Variants in SYT3 observed in about 807,000 individuals in gnomAD.
The protein encoded by SYT3 is synaptotagmin-3.
In SYT3, 25 loss-of-function variants were observed where a neutral mutation model predicts 50.6. That is an observed-to-expected ratio of 0.49 (90% CI 0.36 to 0.69). The LOEUF (loss-of-function observed/expected upper bound fraction) is 0.69. SYT3 is among the 30% of genes least tolerant of loss of function. The probability of loss-of-function intolerance (pLI) is 0.00; values close to 1 mark genes in which losing one functional copy is unlikely to be tolerated. For synonymous variants in SYT3, 323 were observed against 353.9 expected, an observed-to-expected ratio of 0.91 and a Z score of 0.98; for missense variants, 589 against 793.6, an observed-to-expected ratio of 0.74 and a Z score of 3.10.
At chr19:50,654,128 A>G in the SYT3 span, among the ~76,000 whole-genome samples, 1 of 152,054 alleles carries the variant, frequency 6.6e-6, no homozygotes, top group African/African-American at 2.4e-5. Flanking sequence ...TCGGCAGGAG[A>G]GCACCAGGGC....
chr19:50,630,870 C>G (rs1038324847), intron 4 of SYT3, among the ~76,000 whole-genome samples: 1 of 152,280 alleles, frequency 6.6e-6, no homozygotes, highest in Non-Finnish European at 1.5e-5. Flanking sequence ...CTGCCCTTCT[C>G]TTAATCTCCC....
chr19:50,649,409 C>G, the SYT3 span: 1 of 1,535,484 alleles, frequency 6.5e-7, no homozygotes, highest in African/African-American at 1.4e-5. Context: ...CCTCTCTTGC[C>G]ACCTTCCTGA....
At chr19:50,653,674 G>T in the SYT3 span, among the ~76,000 whole-genome samples, 1 of 134,324 alleles carries the variant, frequency 7.4e-6, no homozygotes, top group Non-Finnish European at 1.6e-5. Context: ...TTATTGTAAT[G>T]AGAGACAGCA....
Position 50,625,545 on chromosome 19 carries a change from G to C in SYT3, c.1422C>G (p.Ser474=), listed in dbSNP as rs371487180. 3.1e-6 allele frequency: 5 copies of C among 1,598,452 alleles called. No homozygotes were observed. Among genetic ancestry groups the C allele is most frequent in the East Asian group, 2.2e-5 (1 of 44,796 alleles). ...TCAGACGCCGCCCCTCGCTGATCAG[G>C]GAGGCCTTCACGTAGGGGTCTGGGA... ...TGFSDPYVKA[S]LISEGRRLKK... Residue 474 remains serine, a synonymous_variant, in exon 8 of 11, where the codon TCC becomes TCG. Transcript: ENST00000600079. The surrounding 1 kb of genome is among the most constrained non-coding windows in gnomAD (Gnocchi z 7.5).
rs1984524796 is a variant in SYT3 at position 50,637,260 on chromosome 19, T to C, written c.148+4A>G. The stretch of plus-strand genomic sequence containing the variant: ...GGCTGGCCAAGACAGGCAGGGGTGC[T>C]GACCTGCATCTGGACCCCGGGGATA... On this transcript the variant is annotated splice_donor_region_variant and intron_variant, in intron 3 of 10. Transcript: ENST00000600079. The surrounding 1 kb of genome is among the most constrained non-coding windows in gnomAD (Gnocchi z 4.9). 1.2e-6 allele frequency: 2 copies of C among 1,612,374 alleles called. No individual in the cohort carries two copies. Among genetic ancestry groups the C allele is most frequent in the Non-Finnish European group, 1.7e-6 (2 of 1,179,440 alleles).
chr19:50,642,184 G>A (rs1424179048), upstream of SYT3, among the ~76,000 whole-genome samples: 1 of 152,218 alleles, frequency 6.6e-6, no homozygotes, highest in Non-Finnish European at 1.5e-5. Context: ...CACGAGTGCA[G>A]GTCCCCATGC....
chr19:50,647,389 G>T, the SYT3 span, among the ~76,000 whole-genome samples: 2 of 151,986 alleles, frequency 1.3e-5, no homozygotes, highest in African/African-American at 2.4e-5. Flanking sequence ...GGAGGATGGG[G>T]CGGCCAGGAG....
the SYT3 span, chr19:50,656,253 A>C: frequency 6.5e-7 from 1 of 1,536,128 alleles, no homozygotes; most frequent in African/African-American, 1.4e-5. Context: ...AGGTCATTGC[A>C]GAGTACGAGG....
At chr19:50,628,057 C>G (rs188949569) in intron 6 of SYT3, among the ~76,000 whole-genome samples, 1 of 152,040 alleles carries the variant, frequency 6.6e-6, no homozygotes, top group Admixed American at 6.5e-5. Flanking sequence ...TGGCACCCAG[C>G]TCAACTGGAC....
Position 50,632,933 on chromosome 19 carries a change from C to T in SYT3, c.149-122G>A. 1 of 719,952 alleles carries T rather than the reference C, an allele frequency of 1.4e-6. No homozygotes were observed. The highest frequency in any genetic ancestry group is 2.1e-6 in the Non-Finnish European group (1 of 478,226). The allele number at this position is 719,952 out of a possible 1,614,324, so 44.6% of individuals were successfully genotyped here. A position where few individuals can be genotyped will look rare whatever the true frequency, so the allele number is the denominator to read the frequency against. Reference sequence around the variant, plus strand: ...CAATTGTCCATGCAATTGCAAGTGCCAGGCACTTTACATGTATTACTTAAT... The same window carrying T: ...CAATTGTCCATGCAATTGCAAGTGCTAGGCACTTTACATGTATTACTTAAT... On this transcript the variant is annotated intron_variant, in intron 3 of 10. Coordinates refer to ENST00000600079, the MANE Select transcript of SYT3 (RefSeq NM_001160329.2). This position sits in a 1 kb window ranked among gnomAD's most constrained non-coding sequence, Gnocchi z 4.7.
intron 4 of SYT3, among the ~76,000 whole-genome samples, chr19:50,631,322 G>A (rs929990313): frequency 7.9e-5 from 12 of 151,638 alleles, no homozygotes; most frequent in African/African-American, 2.9e-4. Context: ...GGCTATTTTT[G>A]TTTGTTTGTT....
the SYT3 span, chr19:50,649,906 T>C: frequency 1.7e-4 from 77 of 452,678 alleles, no homozygotes; most frequent in East Asian, 4.5e-3. Context: ...ACCCAGTCAC[T>C]GGTGCCATCC....
rs10406790 is a variant in SYT3 at position 50,629,648 on chromosome 19, G to A, written c.1062+136C>T. The A allele has an allele frequency of 1.7e-3, 291 of 176,158 alleles. 1 individual carries two copies. The African/African-American group carries it at 0.056, about 34-fold the overall frequency. The allele number at this position is 176,158 out of a possible 1,614,324, so 10.9% of individuals were successfully genotyped here. ...CCCCAGCCCCTCCTCCCTCAGACCCGGGAGTCCAGGCCCCCAGCCCCTCCT... is the reference window on the plus strand; with the variant it reads ...CCCCAGCCCCTCCTCCCTCAGACCCAGGAGTCCAGGCCCCCAGCCCCTCCT... On this transcript the variant is annotated intron_variant, in intron 5 of 10. Transcript: ENST00000600079.
Position 50,637,572 on chromosome 19 carries a change from G to C in SYT3, c.-15-146C>G, listed in dbSNP as rs1476699592. 1 of 638,004 alleles carries C rather than the reference G, an allele frequency of 1.6e-6. No individual in the cohort carries two copies. Among genetic ancestry groups the C allele is most frequent in the Non-Finnish European group, 2.6e-6 (1 of 382,034 alleles). The allele number at this position is 638,004 out of a possible 1,614,324, so 39.5% of individuals were successfully genotyped here. Reference sequence around the variant, plus strand: ...ACAGAGATTAGGGGCAGATGGATTAGGGATGGAGATTCGAGGAAGAAGGAC... The same window carrying C: ...ACAGAGATTAGGGGCAGATGGATTACGGATGGAGATTCGAGGAAGAAGGAC... On this transcript the variant is annotated intron_variant, in intron 2 of 10. Coordinates refer to ENST00000600079, the MANE Select transcript of SYT3 (RefSeq NM_001160329.2). The surrounding 1 kb of genome is among the most constrained non-coding windows in gnomAD (Gnocchi z 4.9).
chr19:50,624,120 G>A (rs891556876), intron 9 of SYT3, among the ~76,000 whole-genome samples: 1 of 151,982 alleles, frequency 6.6e-6, no homozygotes, highest in African/African-American at 2.4e-5. Context: ...ACACTACCAT[G>A]CCTAGCTAAT....
Position 50,625,749 on chromosome 19 carries a change from GC to G in SYT3, c.1402+147del. 4.1e-6 allele frequency: 4 copies of G among 982,952 alleles called. No individual in the cohort carries two copies. The highest frequency in any genetic ancestry group is 1.6e-5 in the South Asian group (1 of 61,080). The allele number at this position is 982,952 out of a possible 1,614,324, so 60.9% of individuals were successfully genotyped here. A position where few individuals can be genotyped will look rare whatever the true frequency, so the allele number is the denominator to read the frequency against. ...TCCTCTCTCCGACCCAGGAGTCCAG[GC>G]CCCTGGCCCCTCCTCCCTCAGACCC... On this transcript the variant is annotated intron_variant, in intron 7 of 10. Coordinates refer to ENST00000600079, the MANE Select transcript of SYT3 (RefSeq NM_001160329.2). This position sits in a 1 kb window ranked among gnomAD's most constrained non-coding sequence, Gnocchi z 7.5.
chr19:50,657,869 C>A, the SYT3 span: 2 of 1,313,042 alleles, frequency 1.5e-6, no homozygotes, highest in Non-Finnish European at 2.0e-6. Context: ...CGATCCTTGC[C>A]CCTCAAATGC....
chr19:50,653,237 C>T, the SYT3 span, among the ~76,000 whole-genome samples: 4 of 152,072 alleles, frequency 2.6e-5, no homozygotes, highest in African/African-American at 4.8e-5. Flanking sequence ...TGGGATCTCA[C>T]CATGTTGGCC....
At chr19:50,636,590 T>A (rs1477823289) in intron 3 of SYT3, among the ~76,000 whole-genome samples, 2 of 152,236 alleles carry the variant, frequency 1.3e-5, no homozygotes, top group Non-Finnish European at 2.9e-5. Context: ...ATGGCACTCA[T>A]AATGTTTCCT....
Sources: allele counts gnomAD v4.1 joint callset (sites outside exome capture counted in the v4.1 genomes callset), GRCh38; gene constraint gnomAD v4.1.1; non-coding constraint Gnocchi (gnomAD v3.1); transcripts MANE v1.5; gene names NCBI Gene and HGNC (gene_info 2026-07-23, HGNC 2026-07-21).